Variants in BTBD1 observed in about 807,000 individuals in gnomAD.
The protein encoded by BTBD1 is BTB/POZ domain-containing protein 1.
Under a neutral mutation model 48.0 loss-of-function variants are expected in BTBD1, and 34 were observed. The observed-to-expected ratio is 0.71, with a 90% CI of 0.54 to 0.94. The LOEUF (loss-of-function observed/expected upper bound fraction) is 0.94, where lower values mean the gene tolerates loss of function less well. Among genes scored for constraint, BTBD1 ranks in the 40% least tolerant of loss-of-function variants. BTBD1 has a pLI of 0.00. For synonymous variants in BTBD1, 261 were observed against 242.1 expected (o/e 1.08, Z -0.72); for missense variants, 543 against 625.6 (o/e 0.87, Z 1.41).
At chr15:83,048,937 A>G (rs1226909586) in intron 3 of BTBD1, among the ~76,000 whole-genome samples, 6 of 152,198 alleles carry the variant, frequency 3.9e-5, no homozygotes, top group Non-Finnish European at 1.5e-5. Flanking sequence ...AAATCCAGGA[A>G]TAAACGTTTA....
chr15:83,036,435 G>A (rs926694520), intron 4 of BTBD1, among the ~76,000 whole-genome samples: 5 of 152,174 alleles, frequency 3.3e-5, no homozygotes, highest in Non-Finnish European at 5.9e-5. Flanking sequence ...GAGGATGTGG[G>A]CAACCAAAAC....
intron 3 of BTBD1, among the ~76,000 whole-genome samples, chr15:83,046,057 C>T (rs904816974): frequency 6.6e-6 from 1 of 152,054 alleles, no homozygotes; most frequent in Non-Finnish European, 1.5e-5. Context: ...ATAAAAAGCT[C>T]CTGAAGCCAG....
At chr15:83,018,922 A>C in intron 6 of BTBD1, 69 bp from the exon 7 acceptor site, 3 of 1,193,856 alleles carry the variant, frequency 2.5e-6, no homozygotes, top group Non-Finnish European at 3.4e-6. Context: ...AAATAATATA[A>C]AGCCCTTAGC....
At position 83,018,776 on chromosome 15, in the gene BTBD1, G is replaced by A; in HGVS notation, c.1221C>T (p.Phe407=). The A allele has an allele frequency of 1.2e-6, 2 of 1,614,114 alleles. No individual in the cohort carries two copies. Among genetic ancestry groups the A allele is most frequent in the Non-Finnish European group, 8.5e-7 (1 of 1,179,982 alleles). The change falls in exon 7 of 8, where the codon TTC becomes TTT. Residue 407 remains phenylalanine, a synonymous_variant. Coordinates refer to ENST00000261721, the MANE Select transcript of BTBD1 (RefSeq NM_025238.4). ...GFSCDGTANT[F]RVMFKEPIEI... ...CTATGGGTTCCTTGAACATGACCCTGAATGTGTTAGCTGTCCCATCACAAC... is the reference window on the plus strand; with the variant it reads ...CTATGGGTTCCTTGAACATGACCCTAAATGTGTTAGCTGTCCCATCACAAC...
intron 2 of BTBD1, among the ~76,000 whole-genome samples, chr15:83,050,429 CTTGTGT>C (rs1433637250): frequency 9.2e-6 from 1 of 108,164 alleles, no homozygotes; most frequent in Non-Finnish European, 2.0e-5. Flanking sequence ...TTTTTATGTG[CTTGTGT>C]GTGTGTGTGT....
intron 1 of BTBD1, 50 bp from the exon 2 acceptor site, chr15:83,056,595 A>G (rs773153639): frequency 2.8e-5 from 41 of 1,483,896 alleles, no homozygotes; most frequent in Non-Finnish European, 3.7e-5. Flanking sequence ...TGTTTTAGAT[A>G]AGCAATCCAT....
intron 5 of BTBD1, among the ~76,000 whole-genome samples, chr15:83,027,868 A>G (rs1567103349): frequency 6.6e-6 from 1 of 152,246 alleles, no homozygotes; most frequent in East Asian, 1.9e-4. Flanking sequence ...GGTGATGCAT[A>G]TATGTACAGC....
intron 3 of BTBD1, chr15:83,044,265 A>G (rs187505387): frequency 3.1e-5 from 20 of 652,144 alleles, no homozygotes; most frequent in African/African-American, 2.2e-4. Flanking sequence ...AAAATAAAAC[A>G]TTTTAGATTT....
chr15:83,054,824 T>C (rs918563971), intron 2 of BTBD1, among the ~76,000 whole-genome samples: 2 of 152,058 alleles, frequency 1.3e-5, no homozygotes, highest in African/African-American at 4.8e-5. Flanking sequence ...CCTCCCAAAG[T>C]GCTGGGATTA....
At chr15:83,061,625 A>C (rs2033177644) in intron 1 of BTBD1, 1 of 152,276 alleles carries the variant, frequency 6.6e-6, no homozygotes, top group African/African-American at 2.4e-5. Context: ...CCTCGGAGTC[A>C]TGAGCCACGA....
rs2033303149 is a variant in BTBD1 at position 83,067,228 on chromosome 15, T to G, written c.-77A>C. 2 of 1,283,100 alleles carry G rather than the reference T, an allele frequency of 1.6e-6. No homozygotes were observed. The highest frequency in any genetic ancestry group is 2.0e-6 in the Non-Finnish European group (2 of 1,005,582). 79.5% of individuals were successfully genotyped at this position (1,283,100 alleles called of 1,614,324 possible). A position where few individuals can be genotyped will look rare whatever the true frequency, so the allele number is the denominator to read the frequency against. The stretch of plus-strand genomic sequence containing the variant: ...CCAGGCCGCCTCCGGAGGCCGGCGC[T>G]GCCTCCCTGCCTTCCGGGAAAGGCG... On this transcript the variant is annotated 5_prime_UTR_variant, in exon 1 of 8. Transcript: ENST00000261721.
chr15:83,023,714 G>A (rs1308489225), intron 5 of BTBD1, among the ~76,000 whole-genome samples: 3 of 152,020 alleles, frequency 2.0e-5, no homozygotes, highest in African/African-American at 4.8e-5. Flanking sequence ...TAAGGCTTTA[G>A]GTAAACATTG....
In BTBD1 at chr15:83,067,217, G is replaced by A; in HGVS notation, c.-66C>T. 7.6e-7 allele frequency: 1 copy of A among 1,323,310 alleles called. No individual in the cohort carries two copies. The highest frequency in any genetic ancestry group is 9.7e-7 in the Non-Finnish European group (1 of 1,036,020). The allele number at this position is 1,323,310 out of a possible 1,614,324, so 82.0% of individuals were successfully genotyped here. On this transcript the variant is annotated 5_prime_UTR_variant, in exon 1 of 8. Transcript: ENST00000261721. ...GCCGCCATCGCCCAGGCCGCCTCCG[G>A]AGGCCGGCGCTGCCTCCCTGCCTTC...
intron 3 of BTBD1, among the ~76,000 whole-genome samples, chr15:83,046,261 T>C (rs552321892): frequency 2.2e-4 from 34 of 152,052 alleles, no homozygotes; most frequent in Non-Finnish European, 4.3e-4. Context: ...TAATAATAAC[T>C]GATAAAAAAT....
At chr15:83,047,326 G>A (rs935925932) in intron 3 of BTBD1, among the ~76,000 whole-genome samples, 1 of 152,162 alleles carries the variant, frequency 6.6e-6, no homozygotes, top group Admixed American at 6.6e-5. Context: ...GAGATGCCAA[G>A]ATTCAGGGGA....
At position 83,041,824 on chromosome 15, in the gene BTBD1, G is replaced by A. The variant is rs1211570765; in HGVS notation, c.766C>T (p.Gln256Ter). 1 of 1,614,004 alleles carries A rather than the reference G, an allele frequency of 6.2e-7. No homozygotes were observed. Among genetic ancestry groups the A allele is most frequent in the African/African-American group, 1.3e-5 (1 of 74,916 alleles). The change falls in exon 4 of 8, where the codon CAA becomes TAA. Residue 256 changes from glutamine (Q) to a stop codon, truncating the protein, a stop_gained. Transcript: ENST00000261721. LOFTEE classifies it high-confidence loss of function. ...RWAEAECQRQ[Q>*]LPVTFGNKQK... is the part of the protein sequence containing the mutation. Reference sequence around the variant, plus strand: ...TTATTCCCAAAAGTCACAGGTAATTGTTGTCTCTGACATTCTGCTTCTGCC... The same window carrying A: ...TTATTCCCAAAAGTCACAGGTAATTATTGTCTCTGACATTCTGCTTCTGCC...
rs190684003 is a variant in BTBD1 at position 83,060,521 on chromosome 15, C to T, written c.402-3976G>A. On this transcript the variant is annotated intron_variant, in intron 1 of 7. Coordinates refer to ENST00000261721, the MANE Select transcript of BTBD1 (RefSeq NM_025238.4). ...CTAACTAAAAATTTAAAGCCGGGCA[C>T]GGTAGCTCACACCTGTAATCCCAGC... is the stretch of plus-strand genomic sequence containing the variant. 2.6e-3 allele frequency among the ~76,000 whole-genome samples: 388 copies of T among 151,294 alleles called. 3 individuals are homozygous for T. Among genetic ancestry groups the T allele is most frequent in the African/African-American group, 9.0e-3 (372 of 41,264 alleles).
chr15:83,042,359 T>TATATATATGTATATATATAC (rs1555440268), intron 3 of BTBD1, among the ~76,000 whole-genome samples: 5 of 122,074 alleles, frequency 4.1e-5, no homozygotes, highest in African/African-American at 1.6e-4. Context: ...TATATATATA[T>TATATATATGTATATATATAC]ATATATATAT....
chr15:83,066,847 G>T lies in BTBD1; in HGVS notation c.305C>A (p.Ala102Asp). The T allele has an allele frequency of 4.8e-6, 7 of 1,449,446 alleles. No individual in the cohort carries two copies. Among genetic ancestry groups the T allele is most frequent in the Non-Finnish European group, 6.3e-6 (7 of 1,104,858 alleles). The allele number at this position is 1,449,446 out of a possible 1,614,324, so 89.8% of individuals were successfully genotyped here. A position where few individuals can be genotyped will look rare whatever the true frequency, so the allele number is the denominator to read the frequency against. Residue 102 changes from alanine to aspartate, a missense_variant, in exon 1 of 8, where the codon GCC becomes GAC. Around this residue, in one of 3 missense-constraint regions of BTBD1, gnomAD observed 173 missense variants for 163.9 expected, o/e 1.06. Transcript: ENST00000261721. ...AHRFVLAAGS[A>D]VFDAMFNGGM... ...GCCGTTGAACATGGCGTCAAAGACG[G>T]CGCTGCCGGCCGCCAGCACGAAGCG... is the stretch of plus-strand genomic sequence containing the variant.
Sources: gnomAD v4.1 joint callset for allele counts (sites outside exome capture counted in the v4.1 genomes callset) on GRCh38, gnomAD v4.1.1 for gene constraint, gnomAD v4.1.1 regional missense constraint, MANE v1.5 for transcripts, NCBI Gene and HGNC (gene_info 2026-07-23, HGNC 2026-07-21) for gene names.